CCNJL: variants seen among roughly 807,000 people sequenced by gnomAD.
CCNJL encodes the protein cyclin-J-like protein.
Under a neutral mutation model 33.4 loss-of-function variants are expected in CCNJL, and 33 were observed. The ratio of observed to expected loss-of-function variants is 0.99; its 90% confidence interval spans 0.75 to 1.32. The LOEUF is 1.32. Among genes scored for constraint, CCNJL ranks in the 40% most tolerant of loss-of-function variants. The pLI, the probability that CCNJL is intolerant of heterozygous loss-of-function variation, is 0.00. For synonymous variants in CCNJL, 227 were observed against 220.9 expected, an observed-to-expected ratio of 1.03 and a Z score of -0.24; for missense variants, 512 against 499.7, an observed-to-expected ratio of 1.02 and a Z score of -0.23.
At chr5:160,325,083 G>A (rs1230487062) in intron 1 of CCNJL, among the ~76,000 whole-genome samples, 1 of 152,338 alleles carries the variant, frequency 6.6e-6, no homozygotes, top group Non-Finnish European at 1.5e-5. Flanking sequence ...CCATCTGTCA[G>A]TGGGGGCAGA....
intron 1 of CCNJL, among the ~76,000 whole-genome samples, chr5:160,319,199 A>G (rs971244966): frequency 1.1e-4 from 17 of 152,206 alleles, no homozygotes; most frequent in Non-Finnish European, 1.0e-4. Context: ...TGTGGCCTAG[A>G]ACTCCTGGGT....
At position 160,301,768 on chromosome 5, in the gene CCNJL, C is replaced by T. The variant is rs1307942456; in HGVS notation, c.66+10090G>A. On this transcript the variant is annotated intron_variant, in intron 2 of 5. Coordinates refer to ENST00000257536, the MANE Select transcript of CCNJL (RefSeq NM_001308173.3). The stretch of plus-strand genomic sequence containing the variant: ...TTTTTTTGAAACAGTCTCTCTTTGT[C>T]ACCCAGGCTGGAGTGCAGTGGCATG... Among the ~76,000 whole-genome samples the T allele has an allele frequency of 4.8e-5, 7 of 146,526 alleles. No homozygotes were observed. In the East Asian group the frequency reaches 1.3e-3, roughly 27 times the overall value.
intron 2 of CCNJL, among the ~76,000 whole-genome samples, chr5:160,295,472 A>C (rs1762724090): frequency 6.6e-6 from 1 of 152,224 alleles, no homozygotes; most frequent in Non-Finnish European, 1.5e-5. Flanking sequence ...TGGGCGACAG[A>C]GCGAGACTCT....
At position 160,295,366 on chromosome 5, in the gene CCNJL, G is replaced by T. The variant is rs557598175; in HGVS notation, c.67-14628C>A. 5.1e-4 allele frequency among the ~76,000 whole-genome samples: 78 copies of T among 152,268 alleles called. 1 individual carries two copies. The highest frequency in any genetic ancestry group is 1.8e-3 in the African/African-American group (75 of 41,536). The stretch of plus-strand genomic sequence containing the variant: ...TAGCTGGGCATGGTGGTGCACACCC[G>T]TAGTCCCAGCTACTCGGGAGGCTGA... On this transcript the variant is annotated intron_variant, in intron 2 of 5. Transcript: ENST00000257536.
At chr5:160,258,000 C>A (rs1346951699) in intron 4 of CCNJL, among the ~76,000 whole-genome samples, 1 of 152,036 alleles carries the variant, frequency 6.6e-6, no homozygotes, top group Non-Finnish European at 1.5e-5. Flanking sequence ...GCGCCCACCA[C>A]CACACCTGGC....
In CCNJL at chr5:160,335,410, A is replaced by T. The variant is rs544820848; in HGVS notation, n.206+4035T>A. ...AGAAAATCCCAAAGAATCCACAAGA[A>T]AGTTGCTAGAGTACAGCTTCCTATT... On this transcript the variant is annotated intron_variant and non_coding_transcript_variant, in intron 1 of 7. Transcript: ENST00000377503. Among the ~76,000 whole-genome samples, 5 of 152,278 alleles carry T rather than the reference A, an allele frequency of 3.3e-5. No individual in the cohort carries two copies. In the South Asian group the frequency reaches 1.0e-3, roughly 32 times the overall value.
At position 160,250,330 on chromosome 5, in the gene CCNJL, C is replaced by T. The variant is rs1760771364; in HGVS notation, c.*3048G>A. ...AAGACTTGCCTTGTCTCTGAATCCC[C>T]AAAACTTAGAGCTTCCTGCCTCACC... On this transcript the variant is annotated 3_prime_UTR_variant, in exon 6 of 6. Coordinates refer to ENST00000257536, the MANE Select transcript of CCNJL (RefSeq NM_001308173.3). 6.6e-6 allele frequency: 1 copy of T among 152,282 alleles called. No individual in the cohort carries two copies. The allele number at this position is 152,282 out of a possible 1,614,324, so 9.4% of individuals were successfully genotyped here. A position where few individuals can be genotyped will look rare whatever the true frequency, so the allele number is the denominator to read the frequency against.
At chr5:160,272,112 T>C (rs527896384) in intron 3 of CCNJL, among the ~76,000 whole-genome samples, 11 of 152,350 alleles carry the variant, frequency 7.2e-5, no homozygotes, top group African/African-American at 2.6e-4. Flanking sequence ...TGTATTTAAC[T>C]TCTCCAGGCT....
At chr5:160,327,268 G>A (rs1356635812) in intron 1 of CCNJL, among the ~76,000 whole-genome samples, 1 of 152,202 alleles carries the variant, frequency 6.6e-6, no homozygotes, top group Admixed American at 6.5e-5. Flanking sequence ...GATGAAAGGA[G>A]TCCATTCAAC....
intron 3 of CCNJL, among the ~76,000 whole-genome samples, chr5:160,279,855 A>C (rs1561788453): frequency 6.6e-6 from 1 of 152,224 alleles, no homozygotes; most frequent in Non-Finnish European, 1.5e-5. Flanking sequence ...GTTAAGTGGA[A>C]GGGTGGCATG....
At chr5:160,262,173 G>A (rs776112381) in intron 3 of CCNJL, among the ~76,000 whole-genome samples, 15 of 152,330 alleles carry the variant, frequency 9.8e-5, no homozygotes, top group Non-Finnish European at 1.5e-4. Flanking sequence ...CCCAGAGCAG[G>A]AGGTGGCGAG....
intron 4 of CCNJL, among the ~76,000 whole-genome samples, chr5:160,256,851 G>A (rs1334456025): frequency 6.6e-6 from 1 of 151,920 alleles, no homozygotes; most frequent in Non-Finnish European, 1.5e-5. Flanking sequence ...CCGGGAGGTG[G>A]AGGTTGCAGT....
rs1561812494 is a variant in CCNJL at position 160,320,837 on chromosome 5, CTTT to C, written n.207-5335_207-5333del. Among the ~76,000 whole-genome samples, 395 of 111,906 alleles carry C rather than the reference CTTT, an allele frequency of 3.5e-3. 2 individuals are homozygous for C. The highest frequency in any genetic ancestry group is 9.0e-3 in the African/African-American group (277 of 30,618). 73.4% of individuals were successfully genotyped at this position (111,906 alleles called of 152,430 possible). A position where few individuals can be genotyped will look rare whatever the true frequency, so the allele number is the denominator to read the frequency against. On this transcript the variant is annotated intron_variant and non_coding_transcript_variant, in intron 1 of 7. Transcript: ENST00000377503. ...TCTTTCTTTCTTTCTTTCTTTCTTT[CTTT>C]CTTTCTTTCCTTCTTTCTTTCTTTC...
rs1399237806 is a variant in CCNJL at position 160,274,313 on chromosome 5, G to C, written c.280+6212C>G. 2.6e-5 allele frequency among the ~76,000 whole-genome samples: 4 copies of C among 152,032 alleles called. 1 individual carries two copies. The highest frequency in any genetic ancestry group is 4.8e-5 in the African/African-American group (2 of 41,408). On this transcript the variant is annotated intron_variant, in intron 3 of 5. Transcript: ENST00000257536. Reference sequence around the variant, plus strand: ...GTTTCTACTAAAAATAAAAAAATGAGCTGGATGTGGTGGTGTGTGCCTGTA... The same window carrying C: ...GTTTCTACTAAAAATAAAAAAATGACCTGGATGTGGTGGTGTGTGCCTGTA...
intron 5 of CCNJL, 136 bp from the exon 6 acceptor site, chr5:160,253,934 T>C (rs541363127): frequency 6.5e-6 from 4 of 616,948 alleles, no homozygotes; most frequent in African/African-American, 5.5e-5. Flanking sequence ...CTGGCTGTGC[T>C]CACTGTGTGT....
intron 3 of CCNJL, among the ~76,000 whole-genome samples, chr5:160,266,627 T>A (rs1366894756): frequency 6.6e-6 from 1 of 152,102 alleles, no homozygotes; most frequent in African/African-American, 2.4e-5. Context: ...GCAAGGAGTG[T>A]CCCAGGTAAC....
At chr5:160,281,926 G>A (rs138877957) in intron 2 of CCNJL, among the ~76,000 whole-genome samples, 113 of 152,300 alleles carry the variant, frequency 7.4e-4, no homozygotes, top group African/African-American at 2.7e-3. Flanking sequence ...AAAGCGCTGG[G>A]ATTACAGGCC....
At position 160,253,719 on chromosome 5, in the gene CCNJL, G is replaced by A; in HGVS notation, c.823C>T (p.Pro275Ser). Reference protein sequence around the residue: ...LAMVPGTPPTPTQVLFQPPAY... With the variant: ...LAMVPGTPPTSTQVLFQPPAY... Reference sequence around the variant, plus strand: ...GGTGGCTGGAACAGCACTTGAGTGGGGGTGGGGGGTGTGCCGGGCACCATT... The same window carrying A: ...GGTGGCTGGAACAGCACTTGAGTGGAGGTGGGGGGTGTGCCGGGCACCATT... Residue 275 changes from proline to serine, a missense_variant, in exon 6 of 6, where the codon CCC becomes TCC. Transcript: ENST00000257536. The A allele has an allele frequency of 6.3e-7, 1 of 1,586,420 alleles. No individual in the cohort carries two copies. Among genetic ancestry groups the A allele is most frequent in the Non-Finnish European group, 8.6e-7 (1 of 1,167,252 alleles).
chr5:160,315,011 T>C (rs1457127646), upstream of CCNJL, among the ~76,000 whole-genome samples: 1 of 152,212 alleles, frequency 6.6e-6, no homozygotes, highest in Admixed American at 6.5e-5. Flanking sequence ...TGTAGAAATT[T>C]ATTCTTTTAA....
Sources: allele counts gnomAD v4.1 joint callset (sites outside exome capture counted in the v4.1 genomes callset), GRCh38; gene constraint gnomAD v4.1.1; transcripts MANE v1.5; gene names NCBI Gene and HGNC (gene_info 2026-07-23, HGNC 2026-07-21).